The following FSTL5 variants were observed in gnomAD, a reference collection of about 807,000 sequenced individuals.
FSTL5 encodes follistatin like 5, also known as follistatin-related protein 5.
FSTL5 carries 62 observed loss-of-function variants against 89.1 expected under a neutral mutation model. That is an observed-to-expected ratio of 0.70 (90% CI 0.57 to 0.86). FSTL5 has a LOEUF of 0.86. Among genes scored for constraint, FSTL5 ranks in the 40% least tolerant of loss-of-function variants. The pLI, the probability that FSTL5 is intolerant of heterozygous loss-of-function variation, is 0.00. For synonymous variants in FSTL5, 383 were observed against 346.2 expected (o/e 1.11, Z -1.18); for missense variants, 1,057 against 1,001.6 (o/e 1.06, Z -0.75).
chr4:161,420,734 C>T (rs1303451369), intron 15 of FSTL5, among the ~76,000 whole-genome samples: 1 of 150,544 alleles, frequency 6.6e-6, no homozygotes, highest in Non-Finnish European at 1.5e-5. Flanking sequence ...ATATTCAATA[C>T]CATATATATG....
chr4:161,558,209 G>C (rs1732460219), intron 8 of FSTL5, among the ~76,000 whole-genome samples: 1 of 151,824 alleles, frequency 6.6e-6, no homozygotes, highest in Non-Finnish European at 1.5e-5. Flanking sequence ...TCGAAAGGAA[G>C]AGCAGATTAG....
At chr4:161,464,140 T>C (rs1733670647) in intron 13 of FSTL5, among the ~76,000 whole-genome samples, 1 of 152,198 alleles carries the variant, frequency 6.6e-6, no homozygotes, top group South Asian at 2.1e-4. Context: ...CTAATTTCTT[T>C]TAGAGTGAAA....
At chr4:162,042,837 A>C (rs2111230492) in intron 2 of FSTL5, among the ~76,000 whole-genome samples, 1 of 151,454 alleles carries the variant, frequency 6.6e-6, no homozygotes, top group South Asian at 2.1e-4. Context: ...TCAGTAAACT[A>C]TCACAAGAAC....
intron 13 of FSTL5, among the ~76,000 whole-genome samples, chr4:161,472,804 A>G (rs1275805271): frequency 6.6e-6 from 1 of 151,522 alleles, no homozygotes; most frequent in Non-Finnish European, 1.5e-5. Flanking sequence ...GGCTCACTGC[A>G]ACCTCTGCCT....
intron 12 of FSTL5, among the ~76,000 whole-genome samples, chr4:161,487,068 T>G (rs1729706347): frequency 6.6e-6 from 1 of 152,192 alleles, no homozygotes. Context: ...ATTTTTTTCT[T>G]GTCTGAATTT....
chr4:161,405,648 C>A (rs767992109), intron 15 of FSTL5, among the ~76,000 whole-genome samples: 1 of 152,140 alleles, frequency 6.6e-6, no homozygotes, highest in South Asian at 2.1e-4. Context: ...TAATGGCCAA[C>A]ACTTTCCAAA....
At chr4:161,798,934 G>A (rs1729715930) in intron 4 of FSTL5, among the ~76,000 whole-genome samples, 1 of 151,704 alleles carries the variant, frequency 6.6e-6, no homozygotes, top group East Asian at 1.9e-4. Context: ...TGAGGCCCAA[G>A]GGAAATTATG....
chr4:161,570,042 A>T (rs1437656199), intron 8 of FSTL5, among the ~76,000 whole-genome samples: 2 of 152,170 alleles, frequency 1.3e-5, no homozygotes, highest in African/African-American at 2.4e-5. Context: ...CTGCCTCTTT[A>T]ATATATACCC....
intron 2 of FSTL5, among the ~76,000 whole-genome samples, chr4:162,043,581 TA>T (rs966354406): frequency 6.4e-4 from 96 of 149,024 alleles, no homozygotes; most frequent in Middle Eastern, 3.4e-3. Context: ...TTTCTTAAAA[TA>T]AAAAAAAAAT....
chr4:162,002,081 A>T (rs1178006658), intron 3 of FSTL5, among the ~76,000 whole-genome samples: 2 of 152,114 alleles, frequency 1.3e-5, no homozygotes, highest in Non-Finnish European at 2.9e-5. Context: ...TTGATTATAT[A>T]AAAAACCTTC....
Position 161,812,306 on chromosome 4 carries a change from T to C in FSTL5, c.410-36232A>G, listed in dbSNP as rs1011759876. On this transcript the variant is annotated intron_variant, in intron 4 of 15. Transcript: ENST00000306100. ...TGTGAATTTTCAAGAGAGAATCACA[T>C]AGTTGAAGCCTTTCTCATTTTATGC... Among the ~76,000 whole-genome samples the C allele has an allele frequency of 3.3e-5, 5 of 152,296 alleles. No individual in the cohort carries two copies. In the Middle Eastern group the frequency reaches 0.017, roughly 518 times the overall value.
At chr4:161,992,918 A>ATG (rs1736169833) in intron 3 of FSTL5, among the ~76,000 whole-genome samples, 2 of 9,638 alleles carry the variant, frequency 2.1e-4, no homozygotes, top group Non-Finnish European at 6.4e-4. Context: ...ATATATATAT[A>ATG]TATATATGTG....
At chr4:161,569,889 C>G (rs1280868140) in intron 8 of FSTL5, among the ~76,000 whole-genome samples, 1 of 151,758 alleles carries the variant, frequency 6.6e-6, no homozygotes, top group African/African-American at 2.4e-5. Flanking sequence ...TGAATAAAAC[C>G]TGAGTTGGGG....
intron 4 of FSTL5, among the ~76,000 whole-genome samples, chr4:161,811,334 A>G (rs1224579179): frequency 6.6e-6 from 1 of 152,230 alleles, no homozygotes; most frequent in Non-Finnish European, 1.5e-5. Flanking sequence ...TTGCTGGATA[A>G]TCAAATTATA....
At chr4:161,968,969 GCA>G (rs34014344) in intron 3 of FSTL5, among the ~76,000 whole-genome samples, 59,483 of 146,746 alleles carry the variant, frequency 0.41, 13,381 homozygotes, top group Non-Finnish European at 0.5. Flanking sequence ...ACTCACATAA[GCA>G]CACACACACA....
At chr4:161,485,103 C>G (rs562175213) in intron 12 of FSTL5, among the ~76,000 whole-genome samples, 15 of 152,270 alleles carry the variant, frequency 9.9e-5, no homozygotes, top group African/African-American at 2.6e-4. Context: ...AATATTATGG[C>G]ATCTTTCATG....
intron 4 of FSTL5, among the ~76,000 whole-genome samples, chr4:161,919,051 T>C (rs1248740491): frequency 6.6e-6 from 1 of 152,136 alleles, no homozygotes; most frequent in Non-Finnish European, 1.5e-5. Flanking sequence ...ACATATTATA[T>C]ATTATGTACA....
At chr4:161,650,455 C>T (rs1736298012) in intron 7 of FSTL5, among the ~76,000 whole-genome samples, 2 of 152,096 alleles carry the variant, frequency 1.3e-5, no homozygotes, top group African/African-American at 2.4e-5. Context: ...TTCAAATTTA[C>T]CTGGGAGTTC....
At chr4:161,476,877 A>G (rs568672146) in intron 13 of FSTL5, among the ~76,000 whole-genome samples, 1 of 152,166 alleles carries the variant, frequency 6.6e-6, no homozygotes, top group South Asian at 2.1e-4. Flanking sequence ...AAGAACAGAT[A>G]CCCCAAATGT....
Sources: gnomAD v4.1 joint callset for allele counts (sites outside exome capture counted in the v4.1 genomes callset) on GRCh38, gnomAD v4.1.1 for gene constraint, MANE v1.5 for transcripts, NCBI Gene and HGNC (gene_info 2026-07-23, HGNC 2026-07-21) for gene names.